Variants in KCNK2 observed in about 807,000 individuals in gnomAD.
KCNK2 encodes potassium channel subfamily K member 2.
Under a neutral mutation model 40.5 loss-of-function variants are expected in KCNK2, and 21 were observed. The ratio of observed to expected loss-of-function variants is 0.52; its 90% CI spans 0.37 to 0.75. KCNK2 has a LOEUF of 0.75. Among genes scored for constraint, KCNK2 ranks in the 30% least tolerant of loss-of-function variants. The pLI, the probability that KCNK2 is intolerant of heterozygous loss-of-function variation, is 0.00. For synonymous variants in KCNK2, 191 were observed against 202.2 expected, an observed-to-expected ratio of 0.94 and a Z score of 0.47; for missense variants, 399 against 531.6, an observed-to-expected ratio of 0.75 and a Z score of 2.45.
intron 5 of KCNK2, among the ~76,000 whole-genome samples, chr1:215,186,262 T>G (rs1263077509): frequency 6.6e-6 from 1 of 152,048 alleles, no homozygotes; most frequent in Non-Finnish European, 1.5e-5. Context: ...TTTTTAAAAA[T>G]TAGCTGTACA....
intron 3 of KCNK2, among the ~76,000 whole-genome samples, chr1:215,125,777 T>TATATATATATATATAA (rs1351841467): frequency 2.4e-5 from 1 of 42,428 alleles, no homozygotes; most frequent in Non-Finnish European, 6.3e-5. Context: ...TATATATATA[T>TATATATATATATATAA]AAAATAAAAT....
chr1:215,168,651 A>G (rs1663558291), intron 3 of KCNK2, among the ~76,000 whole-genome samples: 1 of 152,214 alleles, frequency 6.6e-6, no homozygotes, highest in African/African-American at 2.4e-5. Flanking sequence ...GGAGTTGAAC[A>G]GTGAGAACAC....
At position 215,082,980 on chromosome 1, in the gene KCNK2, C is replaced by G. The variant is rs1659232808; in HGVS notation, c.-406C>G. ...CCGCGCCGTGCCGGGGCCGGGCCAGCGAGCAGCCCGGGGCTGAGCGCGTGG... is the reference window on the plus strand; with the variant it reads ...CCGCGCCGTGCCGGGGCCGGGCCAGGGAGCAGCCCGGGGCTGAGCGCGTGG... On this transcript the variant is annotated 5_prime_UTR_variant, in exon 1 of 7. Coordinates refer to ENST00000444842, the MANE Select transcript of KCNK2 (RefSeq NM_001017425.3). 1 of 147,438 alleles carries G rather than the reference C, an allele frequency of 6.8e-6. No individual in the cohort carries two copies. The highest frequency in any genetic ancestry group is 1.9e-4 in the South Asian group (1 of 5,184). 9.1% of individuals were successfully genotyped at this position (147,438 alleles called of 1,614,324 possible). A position where few individuals can be genotyped will look rare whatever the true frequency, so the allele number is the denominator to read the frequency against.
chr1:215,078,610 C>T (rs1230015214), upstream of KCNK2, among the ~76,000 whole-genome samples: 4 of 152,116 alleles, frequency 2.6e-5, no homozygotes, highest in Non-Finnish European at 5.9e-5. Flanking sequence ...GATTCATTTA[C>T]CTCCACCTGT....
chr1:215,046,188 T>C (rs763014743), intron 1 of KCNK2, among the ~76,000 whole-genome samples: 3 of 152,168 alleles, frequency 2.0e-5, no homozygotes, highest in Admixed American at 6.5e-5. Flanking sequence ...AATAGAAATA[T>C]CTGTTACCAG....
intron 1 of KCNK2, among the ~76,000 whole-genome samples, chr1:215,027,966 A>G (rs1041777937): frequency 3.3e-5 from 5 of 152,158 alleles, no homozygotes; most frequent in Non-Finnish European, 5.9e-5. Context: ...ATATATCTTA[A>G]TATTATTTTA....
intron 1 of KCNK2, among the ~76,000 whole-genome samples, chr1:215,046,019 C>A (rs550720467): frequency 1.3e-5 from 2 of 152,164 alleles, no homozygotes; most frequent in South Asian, 4.1e-4. Flanking sequence ...GAATCACACA[C>A]GTTAATTGTT....
chr1:215,191,626 A>T (rs1032735380), intron 5 of KCNK2, among the ~76,000 whole-genome samples: 9 of 152,212 alleles, frequency 5.9e-5, no homozygotes, highest in African/African-American at 2.2e-4. Context: ...GAATGTCAGG[A>T]TGAGTAGACT....
At chr1:215,143,531 T>C (rs909799592) in intron 3 of KCNK2, among the ~76,000 whole-genome samples, 10 of 152,202 alleles carry the variant, frequency 6.6e-5, no homozygotes, top group Non-Finnish European at 1.3e-4. Flanking sequence ...TTCATTCTTA[T>C]AACAACCCTA....
upstream of KCNK2, among the ~76,000 whole-genome samples, chr1:215,077,923 A>C (rs1329192213): frequency 6.6e-6 from 1 of 152,174 alleles, no homozygotes; most frequent in Non-Finnish European, 1.5e-5. Context: ...TTAAGCACTC[A>C]GTAAATATCT....
rs538284751 is a variant in KCNK2 at position 215,226,295 on chromosome 1, TTTTG to T, written c.964-8523_964-8520del. 4.9e-4 allele frequency among the ~76,000 whole-genome samples: 74 copies of T among 152,214 alleles called. No homozygotes were observed. In the East Asian group the frequency reaches 8.3e-3, roughly 17 times the overall value. ...TGAAGTGAAATTGTTAACATATCTT[TTTTG>T]TTTGTTTGTCTTGTTTTTTATTTGT... On this transcript the variant is annotated intron_variant, in intron 6 of 6. Coordinates refer to ENST00000444842, the MANE Select transcript of KCNK2 (RefSeq NM_001017425.3).
chr1:215,011,113 C>A (rs1234218731), intron 1 of KCNK2, among the ~76,000 whole-genome samples: 1 of 151,670 alleles, frequency 6.6e-6, no homozygotes, highest in East Asian at 1.9e-4. Flanking sequence ...TAACCACAAC[C>A]ACAATCAAGA....
chr1:215,112,075 G>A (rs926725737), intron 2 of KCNK2, among the ~76,000 whole-genome samples: 26 of 151,818 alleles, frequency 1.7e-4, no homozygotes, highest in South Asian at 4.2e-4. Context: ...GCTCTTCTTT[G>A]TTCTCAGTGG....
chr1:215,032,794 C>T (rs190729671), intron 1 of KCNK2, among the ~76,000 whole-genome samples: 27 of 152,044 alleles, frequency 1.8e-4, no homozygotes, highest in African/African-American at 5.8e-4. Context: ...TCCCTCTATC[C>T]TCTCTAAGAA....
intron 2 of KCNK2, among the ~76,000 whole-genome samples, chr1:215,098,860 G>C (rs1660088594): frequency 6.6e-6 from 1 of 151,878 alleles, no homozygotes; most frequent in African/African-American, 2.4e-5. Context: ...TCTGTACAGA[G>C]CTGTTTTATT....
At chr1:215,028,211 A>AC (rs1329469406) in intron 1 of KCNK2, among the ~76,000 whole-genome samples, 1 of 152,016 alleles carries the variant, frequency 6.6e-6, no homozygotes, top group Non-Finnish European at 1.5e-5. Flanking sequence ...ATGTGGTGAA[A>AC]CCCCGTCTCT....
chr1:215,045,335 C>T (rs978826645), intron 1 of KCNK2, among the ~76,000 whole-genome samples: 11 of 152,046 alleles, frequency 7.2e-5, no homozygotes, highest in Admixed American at 5.2e-4. Flanking sequence ...CAATATGAAA[C>T]CCAATACTGG....
intron 1 of KCNK2, among the ~76,000 whole-genome samples, chr1:215,044,460 C>T (rs570090525): frequency 6.6e-6 from 1 of 152,084 alleles, no homozygotes; most frequent in Admixed American, 6.5e-5. Context: ...GAGTCAGCAC[C>T]TGGATTTGCA....
intron 1 of KCNK2, among the ~76,000 whole-genome samples, chr1:215,034,495 C>T (rs985956464): frequency 5.3e-5 from 8 of 151,882 alleles, no homozygotes; most frequent in Non-Finnish European, 8.8e-5. Context: ...TATAAGTAAC[C>T]GTCTGTTTTT....
Sources: allele counts gnomAD v4.1 joint callset (sites outside exome capture counted in the v4.1 genomes callset), GRCh38; gene constraint gnomAD v4.1.1; transcripts MANE v1.5; gene names NCBI Gene and HGNC (gene_info 2026-07-23, HGNC 2026-07-21).